SMCHD1: variants seen among roughly 807,000 people sequenced by gnomAD.
The protein encoded by SMCHD1 is structural maintenance of chromosomes flexible hinge domain containing 1, also known as structural maintenance of chromosomes flexible hinge domain-containing protein 1.
A neutral mutation model predicts 254.7 loss-of-function variants in SMCHD1; 78 were observed. The observed-to-expected ratio is 0.31, with a 90% confidence interval of 0.26 to 0.37. The LOEUF is 0.37. Ranked by LOEUF, SMCHD1 falls within the 10% of genes least tolerant of loss-of-function variation. The probability of loss-of-function intolerance (pLI) is 1.00; values close to 1 mark genes in which losing one functional copy is unlikely to be tolerated. For missense variants in SMCHD1, 1,840 were observed against 2,408.1 expected, an observed-to-expected ratio of 0.76 and a Z score of 4.94; for synonymous variants, 766 against 794.9, an observed-to-expected ratio of 0.96 and a Z score of 0.61.
chr18:2,743,806 G>A lies in SMCHD1; in HGVS notation c.3679G>A (p.Gly1227Ser), dbSNP rs1204021010. 6.2e-7 allele frequency: 1 copy of A among 1,613,032 alleles called. No individual in the cohort carries two copies. Among genetic ancestry groups the A allele is most frequent in the East Asian group, 2.2e-5 (1 of 44,784 alleles). The change falls in exon 29 of 48, where the codon GGT becomes AGT. Residue 1227 changes from glycine to serine, a missense_variant. Gly to Ser is a moderately conservative substitution (Grantham distance 56). Around this residue, in one of 9 missense-constraint regions of SMCHD1, gnomAD observed 881 missense variants for 1,009.5 expected, o/e 0.87. Transcript: ENST00000320876. ...ISVRGIKFIPGPPGNKDLCFT... is the reference protein window; with the variant it reads ...ISVRGIKFIPSPPGNKDLCFT... Reference sequence around the variant, plus strand: ...TGTAAGAGGCATCAAATTTATTCCAGGTCCTCCTGGAAATAAGGATCTTTG... The same window carrying A: ...TGTAAGAGGCATCAAATTTATTCCAAGTCCTCCTGGAAATAAGGATCTTTG...
intron 20 of SMCHD1, among the ~76,000 whole-genome samples, chr18:2,723,535 C>T (rs889523721): frequency 1.8e-4 from 28 of 152,092 alleles, no homozygotes; most frequent in African/African-American, 6.8e-4. Flanking sequence ...GAAGAATCTT[C>T]AGTCTTTTGC....
intron 20 of SMCHD1, among the ~76,000 whole-genome samples, chr18:2,723,773 A>G (rs2143414838): frequency 6.6e-6 from 1 of 152,262 alleles, no homozygotes; most frequent in East Asian, 1.9e-4. Flanking sequence ...GGCAGAGAGG[A>G]GAGATCTGGA....
intron 28 of SMCHD1, among the ~76,000 whole-genome samples, chr18:2,741,695 C>T (rs1241558766): frequency 2.0e-5 from 3 of 152,194 alleles, no homozygotes; most frequent in Admixed American, 6.5e-5. Flanking sequence ...TCACCCTACA[C>T]GTAGATGAAA....
chr18:2,755,033 T>C (rs1248628869), intron 34 of SMCHD1, among the ~76,000 whole-genome samples: 2 of 152,022 alleles, frequency 1.3e-5, no homozygotes, highest in Non-Finnish European at 2.9e-5. Context: ...TTTGTTAAAC[T>C]CCTTCATTTC....
chr18:2,794,457 G>C (rs1384733026), intron 45 of SMCHD1, among the ~76,000 whole-genome samples: 3 of 152,160 alleles, frequency 2.0e-5, no homozygotes, highest in African/African-American at 7.2e-5. Flanking sequence ...AGTGAGCAGT[G>C]ATTATGTCAC....
intron 8 of SMCHD1, among the ~76,000 whole-genome samples, chr18:2,695,263 A>G (rs1025021730): frequency 6.6e-6 from 1 of 152,040 alleles, no homozygotes. Flanking sequence ...TCTATATTCC[A>G]TTAGACCAAA....
intron 5 of SMCHD1, among the ~76,000 whole-genome samples, chr18:2,681,208 T>C (rs949050210): frequency 3.1e-4 from 46 of 150,626 alleles, no homozygotes; most frequent in African/African-American, 1.1e-3. Flanking sequence ...AGGTCAGGAG[T>C]TCAAGACCAG....
chr18:2,737,957 A>C (rs1290897374), intron 25 of SMCHD1, among the ~76,000 whole-genome samples: 1 of 152,238 alleles, frequency 6.6e-6, no homozygotes, highest in South Asian at 2.1e-4. Flanking sequence ...GTATGGCCAG[A>C]AAGTTAGATC....
At chr18:2,737,012 A>C (rs2075264392) in intron 25 of SMCHD1, among the ~76,000 whole-genome samples, 1 of 152,210 alleles carries the variant, frequency 6.6e-6, no homozygotes, top group Non-Finnish European at 1.5e-5. Context: ...GATTGGATAA[A>C]GAAAATACAC....
chr18:2,661,205 A>G lies in SMCHD1; in HGVS notation c.186+4944A>G, dbSNP rs187691613. 4.1e-3 allele frequency among the ~76,000 whole-genome samples: 631 copies of G among 152,246 alleles called. 4 individuals carry two copies. Among genetic ancestry groups the G allele is most frequent in the African/African-American group, 0.015 (610 of 41,550 alleles). On this transcript the variant is annotated intron_variant, in intron 1 of 47. Transcript: ENST00000320876. The stretch of plus-strand genomic sequence containing the variant: ...GGGTAAGAGGCAAGGAGAGGGAGAG[A>G]ATTAGGACAAATACCTAATGCATGT...
At chr18:2,680,214 A>T (rs753393106) in intron 5 of SMCHD1, among the ~76,000 whole-genome samples, 3 of 152,240 alleles carry the variant, frequency 2.0e-5, no homozygotes, top group South Asian at 2.1e-4. Flanking sequence ...TGTGAACCAT[A>T]CTTTAATATC....
intron 45 of SMCHD1, among the ~76,000 whole-genome samples, chr18:2,793,672 G>GAAAAAAAA (rs77607786): frequency 1.5e-5 from 1 of 65,880 alleles, no homozygotes; most frequent in African/African-American, 6.3e-5. Flanking sequence ...AAAAAAAAAA[G>GAAAAAAAA]AAAGAAAACA....
chr18:2,763,714 T>C lies in SMCHD1; in HGVS notation c.4644T>C (p.Asp1548=). Residue 1548 remains aspartate (D), a synonymous_variant, in exon 37 of 48, where the codon GAT becomes GAC. Transcript: ENST00000320876. The part of the protein sequence containing the change: ...IATIKGSNEE[D]TDTPLFIGKV... Reference sequence around the variant, plus strand: ...CCATTAAAGGCTCTAATGAGGAAGATACTGATACCCCACTTTTTATTGGGA... The same window carrying C: ...CCATTAAAGGCTCTAATGAGGAAGACACTGATACCCCACTTTTTATTGGGA... 3.1e-6 allele frequency: 5 copies of C among 1,610,364 alleles called. No homozygotes were observed. The highest frequency in any genetic ancestry group is 4.2e-6 in the Non-Finnish European group (5 of 1,178,180).
chr18:2,775,877 G>A lies in SMCHD1; in HGVS notation c.5319G>A (p.Val1773=). The change falls in exon 42 of 48, where the codon GTG becomes GTA. Residue 1773 remains valine (V), a synonymous_variant. Coordinates refer to ENST00000320876, the MANE Select transcript of SMCHD1 (RefSeq NM_015295.3). ...IYDETQGRQQ[V]LPLDSIYKKT... is the part of the protein sequence containing the mutation. ...ATGAAACCCAAGGTCGTCAGCAGGT[G>A]TTGCCCCTTGATTCTATTTACAAGA... 1 of 1,609,920 alleles carries A rather than the reference G, an allele frequency of 6.2e-7. No homozygotes were observed. Among genetic ancestry groups the A allele is most frequent in the South Asian group, 1.1e-5 (1 of 90,216 alleles).
At chr18:2,792,953 C>CT (rs1217350058) in intron 45 of SMCHD1, among the ~76,000 whole-genome samples, 1 of 152,208 alleles carries the variant, frequency 6.6e-6, no homozygotes, top group African/African-American at 2.4e-5. Flanking sequence ...CAGCTTGCCT[C>CT]TATCCTCCTC....
intron 28 of SMCHD1, 120 bp downstream of exon 28, chr18:2,740,941 A>T (rs1035442803): frequency 1.7e-6 from 1 of 576,296 alleles, no homozygotes; most frequent in Non-Finnish European, 3.0e-6. Context: ...TTGAAAAGTC[A>T]TAAAAGGCAT....
intron 28 of SMCHD1, among the ~76,000 whole-genome samples, chr18:2,742,532 G>C (rs1301012666): frequency 1.3e-5 from 2 of 152,122 alleles, no homozygotes; most frequent in East Asian, 3.8e-4. Context: ...TTAGTTTTCT[G>C]AATATTGAAA....
Position 2,802,829 on chromosome 18 carries a change from A to T in SMCHD1, c.*277A>T. On this transcript the variant is annotated 3_prime_UTR_variant, in exon 48 of 48. Transcript: ENST00000320876. ...AAATGTGTAAGAGGAAAATGTGCTA[A>T]TGTGGCAGTGACTGTAAAACTGGCA... The T allele has an allele frequency of 2.9e-6, 1 of 339,092 alleles. No individual in the cohort carries two copies. The highest frequency in any genetic ancestry group is 1.1e-4 in the South Asian group (1 of 9,128). The allele number at this position is 339,092 out of a possible 1,614,324, so 21.0% of individuals were successfully genotyped here. A position where few individuals can be genotyped will look rare whatever the true frequency, so the allele number is the denominator to read the frequency against.
intron 17 of SMCHD1, among the ~76,000 whole-genome samples, chr18:2,708,790 A>AT (rs2074581644): frequency 7.0e-6 from 1 of 142,476 alleles, no homozygotes; most frequent in Admixed American, 7.1e-5. Flanking sequence ...TAATTTTTGT[A>AT]TTTTTAGTAG....
Sources: allele counts gnomAD v4.1 joint callset (sites outside exome capture counted in the v4.1 genomes callset), GRCh38; gene constraint gnomAD v4.1.1; regional missense constraint gnomAD v4.1.1; transcripts MANE v1.5; gene names NCBI Gene and HGNC (gene_info 2026-07-23, HGNC 2026-07-21).